FAAH2: variants seen among roughly 807,000 people sequenced by gnomAD.
FAAH2 encodes fatty acid amide hydrolase 2, also known as fatty-acid amide hydrolase 2.
In FAAH2, 60 loss-of-function variants were observed where a neutral mutation model predicts 36.9. The ratio of observed to expected loss-of-function variants is 1.63; its 90% CI spans 1.32 to 2.02. The LOEUF is 2.02. Among genes scored for constraint, FAAH2 ranks in the 30% most tolerant of loss-of-function variants. The pLI, the probability that FAAH2 is intolerant of heterozygous loss-of-function variation, is 0.00. For synonymous variants in FAAH2, 214 were observed against 143.8 expected (o/e 1.49, Z -3.49); for missense variants, 689 against 397.5 (o/e 1.73, Z -6.23).
chrX:57,139,155 A>T, the FAAH2 span, among the ~76,000 whole-genome samples: 8 of 111,936 alleles, frequency 7.1e-5, no homozygotes, highest in East Asian at 2.0e-3. Flanking sequence ...GCTTTTTCCC[A>T]AAGTTTTCTT....
the FAAH2 span, among the ~76,000 whole-genome samples, chrX:57,190,828 G>A: frequency 1.8e-5 from 2 of 110,290 alleles, no homozygotes; most frequent in Non-Finnish European, 3.8e-5. Flanking sequence ...GCAGACCCGA[G>A]CTGTTAATGT....
chrX:57,158,565 C>T, the FAAH2 span, among the ~76,000 whole-genome samples: 2 of 112,010 alleles, frequency 1.8e-5, no homozygotes, highest in South Asian at 3.8e-4. Context: ...TGGTATCTCA[C>T]TGTGGTTTTG....
At chrX:57,394,043 A>T in intron 7 of FAAH2, 2 of 741,247 alleles carry the variant, frequency 2.7e-6, no homozygotes, top group East Asian at 6.4e-5. Flanking sequence ...TGTCTGGGTC[A>T]GTTCATGAAA....
chrX:57,300,800 G>A (rs1276641396), intron 2 of FAAH2, among the ~76,000 whole-genome samples: 1 of 111,996 alleles, frequency 8.9e-6, no homozygotes, highest in Non-Finnish European at 1.9e-5. Context: ...AGTGGGCAAA[G>A]GATGTGAACA....
chrX:57,422,026 T>G (rs780374389), intron 7 of FAAH2, among the ~76,000 whole-genome samples: 84 of 111,772 alleles, frequency 7.5e-4, no homozygotes, highest in Admixed American at 2.0e-3. Context: ...TTGTATTGCT[T>G]GCTTTGTTAG....
At chrX:57,358,155 C>CT (rs1315542647) in intron 5 of FAAH2, among the ~76,000 whole-genome samples, 18 of 56,815 alleles carry the variant, frequency 3.2e-4, no homozygotes, top group East Asian at 3.0e-3. Context: ...AGTTTGAGAT[C>CT]TTTTTTTTTT....
intron 10 of FAAH2, among the ~76,000 whole-genome samples, chrX:57,484,097 G>A (rs375494338): frequency 4.5e-5 from 5 of 110,902 alleles, no homozygotes; most frequent in African/African-American, 9.9e-5. Context: ...GAGCCACTGC[G>A]CCCAGCCACT....
At chrX:57,355,574 T>C (rs2054138606) in intron 5 of FAAH2, among the ~76,000 whole-genome samples, 1 of 111,319 alleles carries the variant, frequency 9.0e-6, no homozygotes, top group Non-Finnish European at 1.9e-5. Flanking sequence ...GATTGCTTTC[T>C]TAATTTCATT....
the FAAH2 span, among the ~76,000 whole-genome samples, chrX:57,262,316 A>G: frequency 9.0e-6 from 1 of 111,707 alleles, no homozygotes; most frequent in African/African-American, 3.2e-5. Flanking sequence ...CTTGAAATAA[A>G]TGAAACTATA....
At chrX:57,238,675 G>A in the FAAH2 span, among the ~76,000 whole-genome samples, 2 of 111,801 alleles carry the variant, frequency 1.8e-5, no homozygotes, top group Admixed American at 1.9e-4. Flanking sequence ...TTTAGTTTCA[G>A]TGAGTACAGG....
intron 7 of FAAH2, among the ~76,000 whole-genome samples, chrX:57,413,752 C>T (rs2055762025): frequency 8.9e-6 from 1 of 111,741 alleles, no homozygotes; most frequent in Non-Finnish European, 1.9e-5. Flanking sequence ...TGAATAAAGT[C>T]AATGGTAGCT....
chrX:57,394,629 C>G (rs1467487937), intron 7 of FAAH2: 4 of 1,066,229 alleles, frequency 3.8e-6, no homozygotes, highest in Non-Finnish European at 2.6e-6. Context: ...CCTAAGCCAC[C>G]AGGAACGGGC....
At chrX:57,435,074 C>T (rs1246151885) in intron 8 of FAAH2, among the ~76,000 whole-genome samples, 1 of 111,716 alleles carries the variant, frequency 9.0e-6, no homozygotes, top group East Asian at 2.8e-4. Context: ...CAAGCAATTG[C>T]TGAGGGAATT....
At chrX:57,288,035 C>T (rs969874118) in intron 1 of FAAH2, among the ~76,000 whole-genome samples, 5 of 111,227 alleles carry the variant, frequency 4.5e-5, no homozygotes, top group African/African-American at 1.3e-4. Context: ...GGGATGTATT[C>T]GGTTGGTGCA....
At chrX:57,151,309 C>T in the FAAH2 span, among the ~76,000 whole-genome samples, 1 of 111,611 alleles carries the variant, frequency 9.0e-6, no homozygotes, top group African/African-American at 3.3e-5. Context: ...TGTTGGCCTG[C>T]CTTGCTAGAT....
At chrX:57,360,445 T>C (rs912679053) in intron 5 of FAAH2, among the ~76,000 whole-genome samples, 6 of 109,990 alleles carry the variant, frequency 5.5e-5, no homozygotes, top group Non-Finnish European at 9.5e-5. Flanking sequence ...TTCTGCTTGA[T>C]CTAGTCTGCT....
chrX:57,206,469 G>C, the FAAH2 span, among the ~76,000 whole-genome samples: 1 of 111,758 alleles, frequency 8.9e-6, no homozygotes, highest in Non-Finnish European at 1.9e-5. Flanking sequence ...TATTTCTCGA[G>C]TGGGGGCAGC....
At chrX:57,269,506 C>G in the FAAH2 span, among the ~76,000 whole-genome samples, 1 of 111,465 alleles carries the variant, frequency 9.0e-6, no homozygotes, top group African/African-American at 3.3e-5. Context: ...TTCAAGAGAA[C>G]TGAAATCATA....
intron 2 of FAAH2, among the ~76,000 whole-genome samples, chrX:57,307,349 G>A (rs1220596643): frequency 9.1e-6 from 1 of 109,527 alleles, no homozygotes. Flanking sequence ...ATTATTTTTA[G>A]CTCCATTATA....
Sources: gnomAD v4.1 joint callset for allele counts (sites outside exome capture counted in the v4.1 genomes callset) on GRCh38, gnomAD v4.1.1 for gene constraint, MANE v1.5 for transcripts, NCBI Gene and HGNC (gene_info 2026-07-23, HGNC 2026-07-21) for gene names.